Variants in FBXO34 observed in about 807,000 individuals in gnomAD.
FBXO34 encodes F-box protein 34.
A neutral mutation model predicts 24.5 loss-of-function variants in FBXO34; 12 were observed. The ratio of observed to expected loss-of-function variants is 0.49; its 90% CI spans 0.31 to 0.79. The LOEUF (loss-of-function observed/expected upper bound fraction) is 0.79. Ranked by LOEUF, FBXO34 falls within the 30% of genes least tolerant of loss-of-function variation. The pLI, the probability that FBXO34 is intolerant of heterozygous loss-of-function variation, is 0.04. For synonymous variants in FBXO34, 320 were observed against 311.9 expected, an observed-to-expected ratio of 1.03 and a Z score of -0.27; for missense variants, 823 against 857.7, an observed-to-expected ratio of 0.96 and a Z score of 0.51.
At chr14:55,291,834 T>G (rs575593515) in intron 1 of FBXO34, among the ~76,000 whole-genome samples, 11 of 152,018 alleles carry the variant, frequency 7.2e-5, no homozygotes, top group African/African-American at 2.4e-4. Context: ...CATAGTGGAG[T>G]GCACCTGTAG....
chr14:55,357,153 A>G (rs532152876), downstream of FBXO34, among the ~76,000 whole-genome samples: 1 of 152,248 alleles, frequency 6.6e-6, no homozygotes, highest in African/African-American at 2.4e-5. Context: ...GTGGTTATAA[A>G]CCCTTGGGTA....
At chr14:55,273,296 AG>A (rs1881221518) in intron 1 of FBXO34, among the ~76,000 whole-genome samples, 1 of 152,026 alleles carries the variant, frequency 6.6e-6, no homozygotes, top group East Asian at 1.9e-4. Context: ...GCCCATTTTC[AG>A]GCAGGAAATA....
chr14:55,307,779 A>G (rs973584240), intron 1 of FBXO34, among the ~76,000 whole-genome samples: 8 of 152,202 alleles, frequency 5.3e-5, no homozygotes, highest in African/African-American at 1.7e-4. Context: ...TAAATTATAT[A>G]TTTGTCATGG....
chr14:55,439,614 AC>A, the FBXO34 span, among the ~76,000 whole-genome samples: 992 of 84,628 alleles, frequency 0.012, 117 homozygotes, highest in African/African-American at 0.036. Flanking sequence ...AGAAAAGCAA[AC>A]CCCCCCCCGT....
the FBXO34 span, among the ~76,000 whole-genome samples, chr14:55,421,883 TAATC>T: frequency 1.3e-5 from 2 of 152,216 alleles, no homozygotes; most frequent in Non-Finnish European, 2.9e-5. Context: ...AGTTATGACT[TAATC>T]AACTTTTCTG....
At chr14:55,288,734 A>G (rs1881845388) in intron 1 of FBXO34, among the ~76,000 whole-genome samples, 1 of 152,166 alleles carries the variant, frequency 6.6e-6, no homozygotes, top group East Asian at 1.9e-4. Context: ...GTTTTACTCC[A>G]AGAGTAAATG....
chr14:55,339,666 C>T (rs1883925127), intron 1 of FBXO34, among the ~76,000 whole-genome samples: 1 of 152,140 alleles, frequency 6.6e-6, no homozygotes, highest in African/African-American at 2.4e-5. Flanking sequence ...ATTTATTTCT[C>T]ACAGTACCTC....
rs1566567765 is a variant in FBXO34 at position 55,350,764 on chromosome 14, C to A, written c.374C>A (p.Ser125Tyr). The A allele has an allele frequency of 6.2e-7, 1 of 1,608,820 alleles. No homozygotes were observed. Among genetic ancestry groups the A allele is most frequent in the Admixed American group, 1.7e-5 (1 of 58,740 alleles). The part of the protein sequence containing the change: ...NTKEKIAFFA[S>Y]HQCSNRIGSM... ...AAGGAAAAAATTGCATTCTTTGCAT[C>A]CCACCAGTGTAGTAACAGGATAGGA... is the stretch of plus-strand genomic sequence containing the variant. Residue 125 changes from serine (S) to tyrosine (Y), a missense_variant, in exon 2 of 2, where the codon TCC becomes TAC. Around this residue, in one of 2 missense-constraint regions of FBXO34, gnomAD observed 693 missense variants for 659.1 expected, o/e 1.05. Coordinates refer to ENST00000313833, the MANE Select transcript of FBXO34 (RefSeq NM_017943.4).
the FBXO34 span, among the ~76,000 whole-genome samples, chr14:55,437,626 G>A: frequency 6.6e-6 from 1 of 152,224 alleles, no homozygotes; most frequent in Non-Finnish European, 1.5e-5. Flanking sequence ...TTTTGCAATA[G>A]AGGCAATTGA....
intron 1 of FBXO34, among the ~76,000 whole-genome samples, chr14:55,279,142 C>T (rs1334237437): frequency 2.0e-5 from 3 of 152,108 alleles, no homozygotes; most frequent in African/African-American, 7.2e-5. Flanking sequence ...CAAAAATTAG[C>T]TGGGCATGGT....
chr14:55,356,302 C>T (rs75924512), downstream of FBXO34, among the ~76,000 whole-genome samples: 54 of 152,338 alleles, frequency 3.5e-4, no homozygotes, highest in East Asian at 9.2e-3. Flanking sequence ...TGAAATTAGC[C>T]TGCACACTGC....
chr14:55,440,277 G>A, the FBXO34 span: 1 of 1,302,822 alleles, frequency 7.7e-7, no homozygotes, highest in Non-Finnish European at 1.1e-6. Flanking sequence ...TAATGACTTG[G>A]GAAACCAAGC....
chr14:55,385,881 C>G, the FBXO34 span: 5 of 1,612,010 alleles, frequency 3.1e-6, no homozygotes, highest in Non-Finnish European at 4.2e-6. Flanking sequence ...TTTACTTCCT[C>G]GATTGGAAAA....
At chr14:55,382,154 T>A in the FBXO34 span, 3 of 1,614,140 alleles carry the variant, frequency 1.9e-6, no homozygotes, top group Non-Finnish European at 2.5e-6. Context: ...CTGGAGGTCA[T>A]GGCACTGTCA....
At chr14:55,319,289 T>C (rs764807794) in intron 1 of FBXO34, among the ~76,000 whole-genome samples, 4 of 152,238 alleles carry the variant, frequency 2.6e-5, no homozygotes, top group Non-Finnish European at 5.9e-5. Context: ...TATCATACAG[T>C]GTACATGTGA....
At chr14:55,330,484 T>C (rs1031690777) in intron 1 of FBXO34, among the ~76,000 whole-genome samples, 1 of 152,170 alleles carries the variant, frequency 6.6e-6, no homozygotes. Context: ...AAAATAGCTT[T>C]CCGAAATCTT....
the FBXO34 span, chr14:55,414,032 C>T: frequency 9.2e-6 from 5 of 541,526 alleles, no homozygotes; most frequent in South Asian, 4.2e-5. Context: ...TATCAGGTGC[C>T]TCACCTCTTT....
Position 55,347,465 on chromosome 14 carries a change from A to T in FBXO34, c.-10-2916A>T, listed in dbSNP as rs923769481. ...TCTATTTTCTGCCTCAGGGCTCTCA[A>T]ACCCAGCAAATGATGGGGAAAGGCT... On this transcript the variant is annotated intron_variant, in intron 1 of 1. Transcript: ENST00000313833. Among the ~76,000 whole-genome samples the T allele has an allele frequency of 2.0e-5, 3 of 152,174 alleles. 1 individual carries two copies. Among genetic ancestry groups the T allele is most frequent in the African/African-American group, 7.2e-5 (3 of 41,436 alleles).
the FBXO34 span, among the ~76,000 whole-genome samples, chr14:55,418,590 A>G: frequency 1.6e-4 from 24 of 152,336 alleles, no homozygotes; most frequent in African/African-American, 5.5e-4. Flanking sequence ...TGGCCCACTC[A>G]CTAACAAGTC....
Sources: allele counts gnomAD v4.1 joint callset (sites outside exome capture counted in the v4.1 genomes callset), GRCh38; gene constraint gnomAD v4.1.1; regional missense constraint gnomAD v4.1.1; transcripts MANE v1.5; gene names NCBI Gene and HGNC (gene_info 2026-07-23, HGNC 2026-07-21).